Variants in GPATCH2L observed in about 807,000 individuals in gnomAD.
GPATCH2L encodes the protein G-patch domain containing 2 like, also known as G patch domain-containing protein 2-like.
In GPATCH2L, 31 loss-of-function variants were observed where a neutral mutation model predicts 57.4. That is an observed-to-expected ratio of 0.54 (90% CI 0.41 to 0.73). The LOEUF is 0.73. Among genes scored for constraint, GPATCH2L ranks in the 30% least tolerant of loss-of-function variants. The pLI, the probability that GPATCH2L is intolerant of heterozygous loss-of-function variation, is 0.00. For synonymous variants in GPATCH2L, 199 were observed against 210.7 expected (o/e 0.94, Z 0.48); for missense variants, 481 against 599.9 (o/e 0.80, Z 2.07).
At chr14:76,171,817 C>T in intron 3 of GPATCH2L, 26 bp from the exon 4 acceptor site, 2 of 1,431,494 alleles carry the variant, frequency 1.4e-6, no homozygotes, top group Non-Finnish European at 1.9e-6. Context: ...AAAATTCTAG[C>T]TTATGATATG....
chr14:76,200,478 G>C (rs2040283537), intron 9 of GPATCH2L, among the ~76,000 whole-genome samples: 1 of 152,142 alleles, frequency 6.6e-6, no homozygotes, highest in Non-Finnish European at 1.5e-5. Flanking sequence ...TTTGTTGTGA[G>C]TGTGTGTGTA....
chr14:76,195,252 G>A (rs977490487), intron 8 of GPATCH2L, among the ~76,000 whole-genome samples: 4 of 152,302 alleles, frequency 2.6e-5, no homozygotes, highest in South Asian at 2.1e-4. Context: ...GTAGTTCAGT[G>A]TTAATCCCAT....
intron 2 of GPATCH2L, among the ~76,000 whole-genome samples, chr14:76,164,339 A>G (rs888000540): frequency 5.9e-5 from 9 of 152,160 alleles, no homozygotes; most frequent in Non-Finnish European, 8.8e-5. Flanking sequence ...CAGGATGCTG[A>G]GCAGCATCCC....
intron 5 of GPATCH2L, 26 bp downstream of exon 5, chr14:76,173,651 C>T: frequency 7.3e-7 from 1 of 1,371,182 alleles, no homozygotes; most frequent in Non-Finnish European, 1.0e-6. Context: ...GTTAGCTTGG[C>T]TCAGTGGGGA....
chr14:76,153,058 G>A (rs978169197), intron 1 of GPATCH2L: 2 of 288,264 alleles, frequency 6.9e-6, no homozygotes, highest in Admixed American at 5.0e-5. Context: ...GAGAAGCTTC[G>A]TTTGTATGGT....
intron 3 of GPATCH2L, 147 bp from the exon 4 acceptor site, chr14:76,171,696 C>T: frequency 1.8e-6 from 1 of 549,744 alleles, no homozygotes; most frequent in Non-Finnish European, 3.2e-6. Flanking sequence ...GCATTCCAGC[C>T]TGGGTGACAG....
At chr14:76,172,111 C>A in intron 4 of GPATCH2L, 92 bp downstream of exon 4, 2 of 752,086 alleles carry the variant, frequency 2.7e-6, no homozygotes, top group Non-Finnish European at 4.2e-6. Context: ...TGCCTTCAAT[C>A]ACACATTAAC....
In GPATCH2L at chr14:76,154,715, A is replaced by G; in HGVS notation, c.352A>G (p.Thr118Ala). 6.2e-7 allele frequency: 1 copy of G among 1,614,192 alleles called. No homozygotes were observed. The highest frequency in any genetic ancestry group is 8.5e-7 in the Non-Finnish European group (1 of 1,180,018). The part of the protein sequence containing the change: ...QHSWHESDSF[T>A]ENAPCRPLRR... ...TTCTTGGCATGAATCTGACTCCTTT[A>G]CTGAAAATGCACCTTGTCGACCACT... The change falls in exon 2 of 10, where the codon ACT becomes GCT. Residue 118 changes from threonine to alanine, a missense_variant. This residue lies in a region of GPATCH2L where 208 missense variants were observed against 272.4 expected (regional missense o/e 0.76). Coordinates refer to ENST00000261530, the MANE Select transcript of GPATCH2L (RefSeq NM_017926.4). This position sits in a 1 kb window ranked among gnomAD's most constrained non-coding sequence, Gnocchi z 4.4.
chr14:76,225,430 A>G (rs1266160147), intron 1 of GPATCH2L, among the ~76,000 whole-genome samples: 2 of 152,152 alleles, frequency 1.3e-5, no homozygotes, highest in East Asian at 1.9e-4. Flanking sequence ...CTTGATCCCT[A>G]TTTCCACAAC....
chr14:76,159,941 G>A (rs1594909355), intron 2 of GPATCH2L, among the ~76,000 whole-genome samples: 1 of 152,070 alleles, frequency 6.6e-6, no homozygotes, highest in Non-Finnish European at 1.5e-5. Flanking sequence ...GACCATCCTG[G>A]CTAACATGGT....
chr14:76,176,225 T>C (rs867733539), intron 5 of GPATCH2L: 1 of 159,812 alleles, frequency 6.3e-6, no homozygotes. Context: ...GTTGGAACTA[T>C]AATCAAATCA....
rs140418185 is a variant in GPATCH2L, at chr14:76,192,597, C to T, written c.1194-3281C>T. Among the ~76,000 whole-genome samples, 87 of 152,202 alleles carry T rather than the reference C, an allele frequency of 5.7e-4. 1 individual carries two copies. In the East Asian group the frequency reaches 0.015, roughly 26 times the overall value. On this transcript the variant is annotated intron_variant, in intron 8 of 9. Transcript: ENST00000261530. The stretch of plus-strand genomic sequence containing the variant: ...TGTAACCTGAAAAGCTGTGCAGCTG[C>T]AGATAGGACTTGGCTATAAGATCCA...
Position 76,208,132 on chromosome 14 carries a change from T to TAA in GPATCH2L, c.*6285_*6286dup, listed in dbSNP as rs1444684395. 1.3e-5 allele frequency: 2 copies of TAA among 152,228 alleles called. No homozygotes were observed. The highest frequency in any genetic ancestry group is 4.8e-5 in the African/African-American group (2 of 41,470). 9.4% of individuals were successfully genotyped at this position (152,228 alleles called of 1,614,324 possible). A position where few individuals can be genotyped will look rare whatever the true frequency, so the allele number is the denominator to read the frequency against. The stretch of plus-strand genomic sequence containing the variant: ...ACTAGATATTATCAAGGTGTGAGAC[T>TAA]AAAAAGTTAGAAGGCTTTAAGATGT... On this transcript the variant is annotated 3_prime_UTR_variant, in exon 10 of 10. Coordinates refer to ENST00000261530, the MANE Select transcript of GPATCH2L (RefSeq NM_017926.4).
At chr14:76,200,535 C>T (rs1250647131) in intron 9 of GPATCH2L, among the ~76,000 whole-genome samples, 1 of 152,072 alleles carries the variant, frequency 6.6e-6, no homozygotes, top group Non-Finnish European at 1.5e-5. Context: ...GTATTTCCTG[C>T]TGCTGTGGTG....
chr14:76,201,645 T>G, intron 9 of GPATCH2L, 46 bp from the exon 10 acceptor site: 4 of 1,441,314 alleles, frequency 2.8e-6, no homozygotes, highest in Non-Finnish European at 3.7e-6. Context: ...TTATTCTAAT[T>G]TATCTCCCCT....
intron 1 of GPATCH2L, among the ~76,000 whole-genome samples, chr14:76,224,008 A>G (rs1156841133): frequency 6.6e-6 from 1 of 152,232 alleles, no homozygotes; most frequent in Non-Finnish European, 1.5e-5. Context: ...CAACTGATGA[A>G]TGGTAAACAA....
chr14:76,232,750 G>T (rs2040579024), intron 2 of GPATCH2L, among the ~76,000 whole-genome samples: 1 of 152,148 alleles, frequency 6.6e-6, no homozygotes, highest in African/African-American at 2.4e-5. Flanking sequence ...TTTACCCATG[G>T]AGTCCTGGGA....
intron 2 of GPATCH2L, among the ~76,000 whole-genome samples, chr14:76,157,077 A>G (rs2038343579): frequency 2.6e-5 from 4 of 152,182 alleles, no homozygotes; most frequent in African/African-American, 9.7e-5. Context: ...TGTAGATGCT[A>G]AAGGGTTGTA....
intron 8 of GPATCH2L, 131 bp from the exon 9 acceptor site, chr14:76,195,747 C>A: frequency 1.4e-6 from 1 of 700,098 alleles, no homozygotes; most frequent in Non-Finnish European, 2.5e-6. Context: ...TGTCCCAATG[C>A]TTAATGGCAA....
Sources: allele counts gnomAD v4.1 joint callset (sites outside exome capture counted in the v4.1 genomes callset), GRCh38; gene constraint gnomAD v4.1.1; regional missense constraint gnomAD v4.1.1; non-coding constraint Gnocchi (gnomAD v3.1); transcripts MANE v1.5; gene names NCBI Gene and HGNC (gene_info 2026-07-23, HGNC 2026-07-21).